The following GCC2 variants were observed in gnomAD, a reference collection of about 807,000 sequenced individuals.
GCC2 encodes GRIP and coiled-coil domain-containing protein 2.
GCC2 carries 120 observed loss-of-function variants against 210.6 expected under a neutral mutation model. The observed-to-expected ratio is 0.57, with a 90% confidence interval of 0.49 to 0.66. GCC2 has a LOEUF of 0.66. Ranked by LOEUF, GCC2 falls within the 30% of genes least tolerant of loss-of-function variation. GCC2 has a pLI of 0.00. For synonymous variants in GCC2, 703 were observed against 652.7 expected, an observed-to-expected ratio of 1.08 and a Z score of -1.17; for missense variants, 1,868 against 1,871.9, an observed-to-expected ratio of 1.00 and a Z score of 0.04.
chr2:108,467,873 C>T (rs981409522), intron 4 of GCC2, among the ~76,000 whole-genome samples: 1 of 152,104 alleles, frequency 6.6e-6, no homozygotes, highest in Non-Finnish European at 1.5e-5. Flanking sequence ...TTTGATAGAA[C>T]TCACCTTAAA....
Position 108,482,303 on chromosome 2 carries a change from C to G in GCC2, c.3197C>G (p.Ser1066Cys). ...NSTLQCETIN[S>C]DNEDLLARIE... is the part of the protein sequence containing the mutation. The stretch of plus-strand genomic sequence containing the variant: ...TCATTTCAGTGTGAAACAATAAATT[C>G]TGATAATGAAGATCTCCTGGCTCGT... The change falls in exon 11 of 23, where the codon TCT (serine) becomes TGT (cysteine). Residue 1066 changes from serine to cysteine, a missense_variant. Around this residue, in one of 3 missense-constraint regions of GCC2, gnomAD observed 1,847 missense variants for 1,765.2 expected, o/e 1.05. Coordinates refer to ENST00000309863, the MANE Select transcript of GCC2 (RefSeq NM_181453.4). The G allele has an allele frequency of 6.4e-7, 1 of 1,573,804 alleles. No homozygotes were observed. Among genetic ancestry groups the G allele is most frequent in the East Asian group, 2.2e-5 (1 of 44,450 alleles).
intron 22 of GCC2, among the ~76,000 whole-genome samples, chr2:108,505,675 T>C (rs1683146727): frequency 6.6e-6 from 1 of 151,824 alleles, no homozygotes; most frequent in Non-Finnish European, 1.5e-5. Context: ...AGTTTGGAAG[T>C]AGATTCTTCT....
intron 21 of GCC2, among the ~76,000 whole-genome samples, chr2:108,498,840 C>T (rs1682778611): frequency 6.6e-6 from 1 of 151,534 alleles, no homozygotes; most frequent in South Asian, 2.1e-4. Context: ...AGGGTAGGGG[C>T]AGGGGGTTAG....
At position 108,509,398 on chromosome 2, in the gene GCC2, A is replaced by G. The variant is rs1486214690; in HGVS notation, c.*1768A>G. ...ATTTCTATTAAATATGTTTAACTGT[A>G]TATTTTTATGGCTGCTCTTTTATGT... On this transcript the variant is annotated 3_prime_UTR_variant, in exon 23 of 23. Transcript: ENST00000309863. 2 of 152,180 alleles carry G rather than the reference A, an allele frequency of 1.3e-5. No individual in the cohort carries two copies. The highest frequency in any genetic ancestry group is 4.8e-5 in the African/African-American group (2 of 41,436). The allele number at this position is 152,180 out of a possible 1,614,324, so 9.4% of individuals were successfully genotyped here.
chr2:108,474,112 C>A (rs752932918), intron 7 of GCC2, among the ~76,000 whole-genome samples: 1 of 152,054 alleles, frequency 6.6e-6, no homozygotes. Flanking sequence ...GAGCCAAGAT[C>A]ATGCCACTGC....
chr2:108,477,695 T>A (rs1198704103), intron 9 of GCC2, among the ~76,000 whole-genome samples: 1 of 152,348 alleles, frequency 6.6e-6, no homozygotes, highest in East Asian at 1.9e-4. Context: ...AAACCTAGAA[T>A]GAAATACTTG....
chr2:108,474,023 T>C (rs1456819776), intron 7 of GCC2, among the ~76,000 whole-genome samples: 1 of 149,764 alleles, frequency 6.7e-6, no homozygotes. Context: ...CCGGGCGTTG[T>C]GGCGGGCGCT....
chr2:108,469,330 AAAGT>A (rs1284214198), intron 5 of GCC2: 1 of 421,556 alleles, frequency 2.4e-6, no homozygotes, highest in Non-Finnish European at 4.2e-6. Flanking sequence ...AAAGCGAAAA[AAAGT>A]AAGTTGATTT....
At chr2:108,468,888 TC>T (rs1681040921) in intron 4 of GCC2, 91 bp from the exon 5 acceptor site, 3 of 769,112 alleles carry the variant, frequency 3.9e-6, no homozygotes, top group Admixed American at 4.3e-5. Context: ...TATTCTCACT[TC>T]AGTGTGTTTT....
At chr2:108,479,020 C>T (rs111444621) in intron 9 of GCC2, among the ~76,000 whole-genome samples, 33 of 152,044 alleles carry the variant, frequency 2.2e-4, no homozygotes, top group African/African-American at 6.3e-4. Flanking sequence ...GGTGAAACCC[C>T]ATCTCTACTA....
chr2:108,472,047 T>G lies in GCC2; in HGVS notation c.2718T>G (p.His906Gln). The change falls in exon 6 of 23, where the codon CAT becomes CAG. Residue 906 changes from histidine to glutamine, a missense_variant. By Grantham distance (24) the His-to-Gln change is conservative. Around this residue, in one of 3 missense-constraint regions of GCC2, gnomAD observed 1,847 missense variants for 1,765.2 expected, o/e 1.05. Transcript: ENST00000309863. ...AAGAAAAATGTTTTATAAAGGAACA[T>G]GAAAACCTAAAGCCACTACTAGAAC... is the stretch of plus-strand genomic sequence containing the variant. The part of the protein sequence containing the change: ...NEKEKCFIKE[H>Q]ENLKPLLEQK... 2.5e-6 allele frequency: 4 copies of G among 1,590,784 alleles called. No homozygotes were observed. In the South Asian group the frequency reaches 3.5e-5, roughly 14 times the overall value.
At position 108,492,652 on chromosome 2, in the gene GCC2, G is replaced by A. The variant is rs766656471; in HGVS notation, c.4309G>A (p.Glu1437Lys). Residue 1437 changes from glutamate to lysine, a missense_variant, in exon 19 of 23, where the codon GAG becomes AAG. Coordinates refer to ENST00000309863, the MANE Select transcript of GCC2 (RefSeq NM_181453.4). ...TGTGAGTCAGCTAACATCCCAGAACGAGGTCCTTCGAAATAGCTTCCGAGA... is the reference window on the plus strand; with the variant it reads ...TGTGAGTCAGCTAACATCCCAGAACAAGGTCCTTCGAAATAGCTTCCGAGA... ...QTVSQLTSQN[E>K]VLRNSFRDQV... 1.2e-6 allele frequency: 2 copies of A among 1,613,742 alleles called. No individual in the cohort carries two copies. The highest frequency in any genetic ancestry group is 1.7e-5 in the Admixed American group (1 of 60,014).
At chr2:108,496,092 T>A (rs551019062) in intron 20 of GCC2, 1 of 152,054 alleles carries the variant, frequency 6.6e-6, no homozygotes, top group Non-Finnish European at 1.5e-5. Flanking sequence ...TTTTTTAAAA[T>A]AAAATGCTAG....
Position 108,470,500 on chromosome 2 carries a change from T to C in GCC2, c.1171T>C (p.Leu391=). ...CTTAGAGTTTAAAATTAATGAATTA[T>C]TACTAGCTAAAGAAGAACAGGGCTG... ...EDLEFKINEL[L]LAKEEQGCVI... is the part of the protein sequence containing the mutation. The change falls in exon 6 of 23, where the codon TTA becomes CTA. Residue 391 remains leucine, a synonymous_variant. Coordinates refer to ENST00000309863, the MANE Select transcript of GCC2 (RefSeq NM_181453.4). The C allele has an allele frequency of 6.2e-7, 1 of 1,609,932 alleles. No individual in the cohort carries two copies. Among genetic ancestry groups the C allele is most frequent in the Non-Finnish European group, 8.5e-7 (1 of 1,177,582 alleles).
intron 10 of GCC2, among the ~76,000 whole-genome samples, chr2:108,482,037 TG>T (rs1251101389): frequency 2.0e-5 from 3 of 152,078 alleles, no homozygotes; most frequent in African/African-American, 7.2e-5. Context: ...TTTGTTTGTT[TG>T]GGGGTTTGTT....
chr2:108,455,766 G>A (rs541898092), intron 4 of GCC2, among the ~76,000 whole-genome samples: 1 of 152,086 alleles, frequency 6.6e-6, no homozygotes, highest in Admixed American at 6.5e-5. Context: ...TCTTTTTTAT[G>A]GGCATATAGT....
At chr2:108,493,257 T>A (rs555677257) in intron 19 of GCC2, 325 of 421,992 alleles carry the variant, frequency 7.7e-4, no homozygotes, top group Non-Finnish European at 1.0e-3. Context: ...GCCGGCTAAT[T>A]TTTTGTATTT....
At chr2:108,475,315 A>T in intron 7 of GCC2, 1 of 311,754 alleles carries the variant, frequency 3.2e-6, no homozygotes, top group Non-Finnish European at 5.8e-6. Context: ...AAAAAAGTAG[A>T]CTATTTTGGA....
At chr2:108,459,224 T>C (rs1013035091) in intron 4 of GCC2, among the ~76,000 whole-genome samples, 1 of 152,206 alleles carries the variant, frequency 6.6e-6, no homozygotes, top group Non-Finnish European at 1.5e-5. Context: ...ATTTTCATTT[T>C]AATTTCCTTA....
Sources: gnomAD v4.1 joint callset for allele counts (sites outside exome capture counted in the v4.1 genomes callset) on GRCh38, gnomAD v4.1.1 for gene constraint, gnomAD v4.1.1 regional missense constraint, MANE v1.5 for transcripts, NCBI Gene and HGNC (gene_info 2026-07-23, HGNC 2026-07-21) for gene names.